The following RGS7BP variants were observed in gnomAD, a reference collection of about 807,000 sequenced individuals.
RGS7BP encodes regulator of G protein signaling 7-binding protein.
In RGS7BP, 9 loss-of-function variants were observed where a neutral mutation model predicts 31.3. The observed-to-expected ratio is 0.29, with a 90% CI of 0.17 to 0.50. The LOEUF (loss-of-function observed/expected upper bound fraction) is 0.50, where lower values mean the gene tolerates loss of function less well. Ranked by LOEUF, RGS7BP falls within the 20% of genes least tolerant of loss-of-function variation. RGS7BP has a pLI of 0.98. For missense variants in RGS7BP, 274 were observed against 322.0 expected, an observed-to-expected ratio of 0.85 and a Z score of 1.14; for synonymous variants, 115 against 120.1, an observed-to-expected ratio of 0.96 and a Z score of 0.28.
intron 5 of RGS7BP, among the ~76,000 whole-genome samples, chr5:64,605,098 C>A (rs750724502): frequency 6.6e-6 from 1 of 152,094 alleles, no homozygotes; most frequent in South Asian, 2.1e-4. Context: ...TTCCTATTCT[C>A]CCTCTTTTTT....
chr5:64,542,029 T>C (rs1352321841), intron 2 of RGS7BP, among the ~76,000 whole-genome samples: 1 of 152,234 alleles, frequency 6.6e-6, no homozygotes, highest in Non-Finnish European at 1.5e-5. Context: ...TTTCTAGATA[T>C]TAACGAATTT....
At chr5:64,529,016 T>C (rs1749305941) in intron 2 of RGS7BP, among the ~76,000 whole-genome samples, 1 of 152,096 alleles carries the variant, frequency 6.6e-6, no homozygotes, top group African/African-American at 2.4e-5. Context: ...CTTGCGGCAT[T>C]GATAACACTT....
chr5:64,591,183 A>G (rs1374701094), intron 3 of RGS7BP, among the ~76,000 whole-genome samples: 1 of 152,114 alleles, frequency 6.6e-6, no homozygotes, highest in Non-Finnish European at 1.5e-5. Context: ...GAGAACCCCT[A>G]CAAATCAATA....
chr5:64,577,569 C>G (rs1313466278), intron 3 of RGS7BP, among the ~76,000 whole-genome samples: 1 of 152,126 alleles, frequency 6.6e-6, no homozygotes, highest in Non-Finnish European at 1.5e-5. Context: ...TATCTTTCTC[C>G]TTTTGCCTTC....
chr5:64,557,876 G>T (rs1452146324), intron 2 of RGS7BP, among the ~76,000 whole-genome samples: 1 of 152,144 alleles, frequency 6.6e-6, no homozygotes, highest in Non-Finnish European at 1.5e-5. Context: ...TATTAAGACT[G>T]CTGTGACATG....
chr5:64,608,108 G>A (rs144680616), intron 5 of RGS7BP, among the ~76,000 whole-genome samples: 4 of 152,096 alleles, frequency 2.6e-5, no homozygotes, highest in Admixed American at 1.3e-4. Context: ...TAGTCTTGGC[G>A]GAGCTTAGGT....
chr5:64,556,311 G>A (rs1741920696), intron 2 of RGS7BP, among the ~76,000 whole-genome samples: 2 of 146,462 alleles, frequency 1.4e-5, no homozygotes. Context: ...TCCTATTTAT[G>A]TTTTTCCACA....
intron 2 of RGS7BP, among the ~76,000 whole-genome samples, chr5:64,524,499 C>G (rs951871231): frequency 6.6e-6 from 1 of 152,102 alleles, no homozygotes; most frequent in East Asian, 1.9e-4. Context: ...CATTAAAACT[C>G]TAAGATCTGA....
intron 2 of RGS7BP, among the ~76,000 whole-genome samples, chr5:64,527,827 G>C (rs1561323477): frequency 6.6e-6 from 1 of 152,022 alleles, no homozygotes; most frequent in African/African-American, 2.4e-5. Flanking sequence ...ATAGTTGCAA[G>C]GATATACACC....
chr5:64,553,840 A>C (rs1434159753), intron 2 of RGS7BP, among the ~76,000 whole-genome samples: 2 of 152,182 alleles, frequency 1.3e-5, no homozygotes, highest in African/African-American at 4.8e-5. Context: ...TAAATGTATA[A>C]CTAAGCTCAC....
intron 3 of RGS7BP, among the ~76,000 whole-genome samples, chr5:64,577,825 A>C (rs1431064774): frequency 6.6e-6 from 1 of 152,200 alleles, no homozygotes; most frequent in East Asian, 1.9e-4. Flanking sequence ...GTGACCGAGT[A>C]GACAAGGGAT....
At chr5:64,568,722 A>G (rs988748081) in intron 2 of RGS7BP, among the ~76,000 whole-genome samples, 2 of 151,682 alleles carry the variant, frequency 1.3e-5, no homozygotes, top group Admixed American at 1.3e-4. Flanking sequence ...ACAATTTAAT[A>G]GTAGTATTTT....
At chr5:64,531,415 G>A (rs1419415441) in intron 2 of RGS7BP, among the ~76,000 whole-genome samples, 10 of 151,320 alleles carry the variant, frequency 6.6e-5, no homozygotes, top group Non-Finnish European at 1.3e-4. Context: ...TGCACACTGA[G>A]AAAAAAAAAT....
chr5:64,522,570 T>G (rs1749134108), intron 2 of RGS7BP, among the ~76,000 whole-genome samples: 1 of 152,194 alleles, frequency 6.6e-6, no homozygotes, highest in Non-Finnish European at 1.5e-5. Context: ...TACTGTACCA[T>G]CATTGAATAA....
At chr5:64,579,956 C>A (rs893970370) in intron 3 of RGS7BP, among the ~76,000 whole-genome samples, 4 of 152,146 alleles carry the variant, frequency 2.6e-5, no homozygotes, top group Non-Finnish European at 1.5e-5. Context: ...TCAGCTGGTG[C>A]CACTAGGTTT....
chr5:64,512,853 G>A (rs1194346260), intron 2 of RGS7BP, among the ~76,000 whole-genome samples: 2 of 140,714 alleles, frequency 1.4e-5, no homozygotes, highest in Non-Finnish European at 3.0e-5. Context: ...AGATTCAAAA[G>A]TAGTTAAGTT....
In RGS7BP at chr5:64,611,416, G is replaced by A. The variant is rs913359701; in HGVS notation, c.*2164G>A. ...TGCCTGACCTAAATAACTTCTGCTT[G>A]GTTAACTTGTGTTCATTCTCACCTT... On this transcript the variant is annotated 3_prime_UTR_variant, in exon 6 of 6. Transcript: ENST00000334025. 1.3e-5 allele frequency: 2 copies of A among 152,034 alleles called. No individual in the cohort carries two copies. Among genetic ancestry groups the A allele is most frequent in the African/African-American group, 4.8e-5 (2 of 41,280 alleles). The allele number at this position is 152,034 out of a possible 1,614,324, so 9.4% of individuals were successfully genotyped here.
At chr5:64,561,559 T>C (rs1357887243) in intron 2 of RGS7BP, among the ~76,000 whole-genome samples, 6 of 152,132 alleles carry the variant, frequency 3.9e-5, no homozygotes. Flanking sequence ...AACTACCTCA[T>C]AGACTCATTG....
intron 2 of RGS7BP, among the ~76,000 whole-genome samples, chr5:64,537,250 A>T (rs1288124549): frequency 6.6e-6 from 1 of 152,180 alleles, no homozygotes; most frequent in Non-Finnish European, 1.5e-5. Flanking sequence ...AACACTAATG[A>T]TAGCTGATGA....
Sources: allele counts gnomAD v4.1 joint callset (sites outside exome capture counted in the v4.1 genomes callset), GRCh38; gene constraint gnomAD v4.1.1; transcripts MANE v1.5; gene names NCBI Gene and HGNC (gene_info 2026-07-23, HGNC 2026-07-21).